PSG8: variants seen among roughly 807,000 people sequenced by gnomAD.
The protein encoded by PSG8 is pregnancy specific beta-1-glycoprotein 8.
In PSG8, 57 loss-of-function variants were observed where a neutral mutation model predicts 42.5. The observed-to-expected ratio is 1.34, with a 90% CI of 1.08 to 1.67. The LOEUF is 1.67. Among genes scored for constraint, PSG8 ranks in the 40% most tolerant of loss-of-function variants. The pLI is 0.00. For synonymous variants in PSG8, 280 were observed against 196.8 expected (o/e 1.42, Z -3.54); for missense variants, 783 against 518.6 (o/e 1.51, Z -4.95).
intron 2 of PSG8, among the ~76,000 whole-genome samples, chr19:42,760,734 C>T (rs1249325318): frequency 1.3e-5 from 2 of 152,082 alleles, no homozygotes; most frequent in Admixed American, 6.5e-5. Context: ...AGGGGCCCGC[C>T]ACCATGGCTG....
intron 2 of PSG8, among the ~76,000 whole-genome samples, chr19:42,760,735 A>C (rs1229139357): frequency 6.6e-6 from 1 of 152,032 alleles, no homozygotes; most frequent in African/African-American, 2.4e-5. Flanking sequence ...GGGGCCCGCC[A>C]CCATGGCTGG....
chr19:42,760,334 A>G (rs544228109), intron 2 of PSG8, among the ~76,000 whole-genome samples: 93 of 152,298 alleles, frequency 6.1e-4, no homozygotes, highest in African/African-American at 2.2e-3. Context: ...CAAAACCACC[A>G]GTATTCCCAT....
At chr19:42,756,109 G>C (rs533368195) in intron 3 of PSG8, 1 of 152,320 alleles carries the variant, frequency 6.6e-6, no homozygotes, top group East Asian at 1.9e-4. Context: ...AGAAAGGGTG[G>C]GAAGGATCTG....
At position 42,758,122 on chromosome 19, in the gene PSG8, C is replaced by T. The variant is rs755714443; in HGVS notation, c.589G>A (p.Glu197Lys). 1.9e-6 allele frequency: 3 copies of T among 1,613,972 alleles called. No homozygotes were observed. Among genetic ancestry groups the T allele is most frequent in the Admixed American group, 1.7e-5 (1 of 60,002 alleles). ...AATAGAAAGAGGGTCCTGTTGGTTT[C>T]AGACAACTGCAACCTGTGAGACATA... ...LPMSHRLQLS[E>K]TNRTLFLLGV... is the part of the protein sequence containing the mutation. Residue 197 changes from glutamate to lysine, a missense_variant, in exon 3 of 5, where the codon GAA (glutamate) becomes AAA (lysine). Glu to Lys is a moderately conservative substitution (Grantham distance 56). Transcript: ENST00000306511.
At chr19:42,753,689 A>G (rs558096770), downstream of PSG8, among the ~76,000 whole-genome samples, 1 of 152,262 alleles carries the variant, frequency 6.6e-6, no homozygotes, top group South Asian at 2.1e-4. Context: ...AGGAAGCCAA[A>G]CCAAGGCTGA....
At chr19:42,763,889 A>C in intron 2 of PSG8, 27 bp downstream of exon 2, 4 of 1,613,466 alleles carry the variant, frequency 2.5e-6, no homozygotes, top group Non-Finnish European at 3.4e-6. Context: ...GTCCCCCAAC[A>C]CCCAGGGATC....
intron 3 of PSG8, chr19:42,755,955 C>G (rs567852444): frequency 6.5e-6 from 1 of 154,102 alleles, no homozygotes; most frequent in African/African-American, 2.4e-5. Context: ...GTGAAGGCGA[C>G]AGGCAAGAGC....
chr19:42,755,147 C>G lies in PSG8; in HGVS notation c.829G>C (p.Gly277Arg). 1.2e-6 allele frequency: 2 copies of G among 1,611,880 alleles called. No individual in the cohort carries two copies. Among genetic ancestry groups the G allele is most frequent in the Non-Finnish European group, 1.7e-6 (2 of 1,179,796 alleles). The change falls in exon 4 of 5, where the codon GGT becomes CGT. Residue 277 changes from glycine (G) to arginine (R), a missense_variant. Transcript: ENST00000306511. ...CTGGGACTGACCGGGAGGCTCTGAC[C>G]ATTTAGCCACCAAATGTAGGTGTAG... ...ENYTYIWWLNGQSLPVSPRVK... is the reference protein window; with the variant it reads ...ENYTYIWWLNRQSLPVSPRVK...
intron 1 of PSG8, 49 bp downstream of exon 1, chr19:42,765,469 G>T (rs148711271): frequency 6.2e-7 from 1 of 1,604,904 alleles, no homozygotes. Flanking sequence ...ACCCCATCCA[G>T]TCACTCTGCT....
downstream of PSG8, chr19:42,754,192 G>T: frequency 6.5e-7 from 1 of 1,532,182 alleles, no homozygotes; most frequent in Non-Finnish European, 8.7e-7. Context: ...GACAAATTTG[G>T]AGGGTTTAGG....
chr19:42,754,811 A>G, intron 4 of PSG8, 177 bp downstream of exon 4: 1 of 1,457,924 alleles, frequency 6.9e-7, no homozygotes, highest in South Asian at 1.4e-5. Flanking sequence ...CTCCCCTTAT[A>G]CTCTTGGTTA....
Position 42,758,584 on chromosome 19 carries a change from A to C in PSG8, c.431-304T>G, listed in dbSNP as rs543447721. ...GCCTCTCTGAGTCCCTCCGTCTCCA[A>C]CTGCCTGCCTGGCCCACCTTGTGGT... On this transcript the variant is annotated intron_variant, in intron 2 of 4. Coordinates refer to ENST00000306511, the MANE Select transcript of PSG8 (RefSeq NM_182707.3). The C allele has an allele frequency of 8.3e-6, 4 of 481,296 alleles. No individual in the cohort carries two copies. The South Asian group carries it at 1.3e-4, about 16-fold the overall frequency. 29.8% of individuals were successfully genotyped at this position (481,296 alleles called of 1,614,324 possible).
intron 3 of PSG8, 131 bp from the exon 4 acceptor site, chr19:42,755,397 G>T: frequency 2.0e-6 from 3 of 1,494,880 alleles, no homozygotes; most frequent in South Asian, 1.3e-5. Flanking sequence ...GCTGGTGCGT[G>T]TGTCACAAGA....
chr19:42,753,254 T>A, downstream of PSG8: 1 of 778,886 alleles, frequency 1.3e-6, no homozygotes, highest in Non-Finnish European at 2.4e-6. Context: ...TCCCATGAAA[T>A]TTACATTGAG....
rs142689447 is a variant in PSG8 at position 42,764,236 on chromosome 19, G to T, written c.110C>A (p.Thr37Lys). The change falls in exon 2 of 5, where the codon ACG (threonine) becomes AAG (lysine). Residue 37 changes from threonine to lysine, a missense_variant. Coordinates refer to ENST00000306511, the MANE Select transcript of PSG8 (RefSeq NM_182707.3). ...FWNPPTTAQVTIEAQPTKVSE... is the reference protein window; with the variant it reads ...FWNPPTTAQVKIEAQPTKVSE... ...AACTTTGGTTGGCTGGGCTTCAATC[G>T]TGACTTGGGCAGTCGTGGGTGGGTT... The T allele has an allele frequency of 1.9e-6, 3 of 1,613,710 alleles. No individual in the cohort carries two copies. The highest frequency in any genetic ancestry group is 1.1e-5 in the South Asian group (1 of 91,058).
At chr19:42,764,731 T>A (rs1472226833) in intron 1 of PSG8, among the ~76,000 whole-genome samples, 7 of 152,048 alleles carry the variant, frequency 4.6e-5, no homozygotes, top group African/African-American at 1.7e-4. Flanking sequence ...ACATTCTAGA[T>A]CTCTTTGCAT....
At position 42,754,659 on chromosome 19, in the gene PSG8, A is replaced by T. The variant is rs894885731; in HGVS notation, c.989-72T>A. ...GGGATGTTCCTGGTCTCTTAAAGGG[A>T]CACAGTGACCCTCTGAGCCAAGACA... On this transcript the variant is annotated intron_variant, in intron 4 of 4. Transcript: ENST00000306511. 7 of 1,524,396 alleles carry T rather than the reference A, an allele frequency of 4.6e-6. No individual in the cohort carries two copies. In the African/African-American group the frequency reaches 9.6e-5, roughly 21 times the overall value. 94.4% of individuals were successfully genotyped at this position (1,524,396 alleles called of 1,614,324 possible). A position where few individuals can be genotyped will look rare whatever the true frequency, so the allele number is the denominator to read the frequency against.
intron 2 of PSG8, among the ~76,000 whole-genome samples, chr19:42,760,996 T>C (rs1337909453): frequency 1.3e-5 from 2 of 152,110 alleles, no homozygotes; most frequent in Non-Finnish European, 2.9e-5. Flanking sequence ...CAGAAGTCTC[T>C]AGGAAGTGAC....
At chr19:42,763,774 T>A (rs1366581798) in intron 2 of PSG8, 142 bp downstream of exon 2, 37 of 1,476,654 alleles carry the variant, frequency 2.5e-5, no homozygotes, top group Non-Finnish European at 1.8e-5. Context: ...TCTGTGTGTG[T>A]CCTGCACTAA....
Sources: allele counts gnomAD v4.1 joint callset (sites outside exome capture counted in the v4.1 genomes callset), GRCh38; gene constraint gnomAD v4.1.1; transcripts MANE v1.5; gene names NCBI Gene and HGNC (gene_info 2026-07-23, HGNC 2026-07-21).